TENM2: variants seen among roughly 807,000 people sequenced by gnomAD.
The protein encoded by TENM2 is teneurin transmembrane protein 2.
A neutral mutation model predicts 245.2 loss-of-function variants in TENM2; 52 were observed. The ratio of observed to expected loss-of-function variants is 0.21; its 90% CI spans 0.17 to 0.27. TENM2 has a LOEUF of 0.27. Ranked by LOEUF, TENM2 falls within the 10% of genes least tolerant of loss-of-function variation. The pLI is 1.00. For synonymous variants in TENM2, 1,363 were observed against 1,438.9 expected (o/e 0.95, Z 1.19); for missense variants, 3,046 against 3,666.8 (o/e 0.83, Z 4.37).
chr5:167,959,961 A>G (rs1406014429), intron 4 of TENM2, among the ~76,000 whole-genome samples: 2 of 152,136 alleles, frequency 1.3e-5, no homozygotes. Context: ...CCTCAGCTGC[A>G]GGTCTGCTGA....
intron 3 of TENM2, among the ~76,000 whole-genome samples, chr5:167,884,461 G>C (rs1774125824): frequency 6.6e-6 from 1 of 152,088 alleles, no homozygotes. Flanking sequence ...CTATGAATTT[G>C]TGTCTAGGTA....
At chr5:167,029,499 T>C in the TENM2 span, among the ~76,000 whole-genome samples, 1 of 152,194 alleles carries the variant, frequency 6.6e-6, no homozygotes, top group Non-Finnish European at 1.5e-5. Flanking sequence ...ACACCTGCCC[T>C]TTCTCTTCAC....
chr5:167,571,982 T>C (rs1410769638), intron 2 of TENM2, among the ~76,000 whole-genome samples: 1 of 152,192 alleles, frequency 6.6e-6, no homozygotes, highest in Non-Finnish European at 1.5e-5. Context: ...GCCTTGCAGC[T>C]CCCTTTTCCC....
In TENM2 at chr5:168,218,324, G is replaced by A. The variant is rs772914879; in HGVS notation, c.4433G>A (p.Ser1478Asn). 8 of 1,613,880 alleles carry A rather than the reference G, an allele frequency of 5.0e-6. No individual in the cohort carries two copies. In the Admixed American group the frequency reaches 8.3e-5, roughly 17 times the overall value. ...ATTCACTCTGCCCTGGAGTCAGCCA[G>A]TGCCATTGCCATTTCTCACACTGGG... The change falls in exon 23 of 29, where the codon AGT becomes AAT. Residue 1478 changes from serine to asparagine, a missense_variant. Ser to Asn is a conservative substitution (Grantham distance 46). Coordinates refer to ENST00000518659, the Ensembl canonical transcript of TENM2. This position sits in a 1 kb window ranked among gnomAD's most constrained non-coding sequence, Gnocchi z 5.2.
chr5:167,952,595 G>A (rs188393200), exon 4 of TENM2: 20 of 1,608,934 alleles, frequency 1.2e-5, no homozygotes, highest in African/African-American at 1.2e-4. Flanking sequence ...CAGGCCCTCC[G>A]AACCACCACA....
chr5:167,614,599 C>T (rs527934505), intron 2 of TENM2, among the ~76,000 whole-genome samples: 20 of 152,106 alleles, frequency 1.3e-4, no homozygotes, highest in South Asian at 1.2e-3. Context: ...AAGTAGAAAA[C>T]GCTTTTAGGG....
chr5:167,741,147 G>A (rs979114721), intron 2 of TENM2, among the ~76,000 whole-genome samples: 1 of 152,236 alleles, frequency 6.6e-6, no homozygotes, highest in African/African-American at 2.4e-5. Flanking sequence ...AAGTGATTTT[G>A]CCCACTCCAC....
intron 2 of TENM2, among the ~76,000 whole-genome samples, chr5:167,821,685 G>C (rs1767539559): frequency 6.6e-6 from 1 of 152,048 alleles, no homozygotes. Context: ...TTATAACATA[G>C]TTTTTGGAAA....
At chr5:167,361,758 C>T (rs974556053) in intron 1 of TENM2, among the ~76,000 whole-genome samples, 3 of 152,200 alleles carry the variant, frequency 2.0e-5, no homozygotes, top group African/African-American at 7.2e-5. Context: ...CTGAAATCCT[C>T]ATGAAGCTGT....
chr5:167,835,078 CATGT>C (rs756724128), intron 2 of TENM2, among the ~76,000 whole-genome samples: 123 of 152,266 alleles, frequency 8.1e-4, no homozygotes, highest in Non-Finnish European at 1.5e-3. Context: ...CCTCTCTGAG[CATGT>C]AGTACTCTCA....
At chr5:167,541,776 C>T (rs987251639) in intron 2 of TENM2, among the ~76,000 whole-genome samples, 18 of 152,082 alleles carry the variant, frequency 1.2e-4, no homozygotes, top group African/African-American at 4.3e-4. Context: ...AAACAATGTG[C>T]ATTAGGAAAA....
chr5:167,695,344 A>G (rs950366039), intron 2 of TENM2, among the ~76,000 whole-genome samples: 1 of 152,236 alleles, frequency 6.6e-6, no homozygotes, highest in Non-Finnish European at 1.5e-5. Context: ...TGTGGCACCA[A>G]AAAAACTTTT....
chr5:168,082,255 T>G (rs1792070703), intron 7 of TENM2, among the ~76,000 whole-genome samples: 1 of 152,242 alleles, frequency 6.6e-6, no homozygotes, highest in African/African-American at 2.4e-5. Context: ...CGTCACGTAG[T>G]TCTCGTGCCA....
chr5:167,606,590 G>A (rs545764400), intron 2 of TENM2, among the ~76,000 whole-genome samples: 1 of 152,126 alleles, frequency 6.6e-6, no homozygotes, highest in Non-Finnish European at 1.5e-5. Context: ...GAAAGCACCA[G>A]CATTTAGTCC....
intron 5 of TENM2, among the ~76,000 whole-genome samples, chr5:168,035,228 C>A (rs562626687): frequency 4.8e-4 from 73 of 152,172 alleles, no homozygotes; most frequent in African/African-American, 1.6e-3. Context: ...CATAAGTGGG[C>A]CAGGTGCAGT....
intron 20 of TENM2, among the ~76,000 whole-genome samples, chr5:168,213,538 G>A (rs1186916739): frequency 6.6e-6 from 1 of 151,938 alleles, no homozygotes; most frequent in Non-Finnish European, 1.5e-5. Context: ...AAAAATAATA[G>A]GAAAAGGCTG....
the TENM2 span, among the ~76,000 whole-genome samples, chr5:167,088,649 G>A: frequency 1.3e-5 from 2 of 149,078 alleles, no homozygotes; most frequent in Non-Finnish European, 1.5e-5. Context: ...AAAGAAAAAA[G>A]AAAAAAAAAC....
In TENM2 at chr5:168,166,347, C is replaced by T. The variant is rs180844001; in HGVS notation, c.2569+3590C>T. On this transcript the variant is annotated intron_variant, in intron 13 of 28. Transcript: ENST00000518659. ...CACTTTTCCATCTAGAAACACTCTA[C>T]TTTAAAAAAAAGAATCTGTTTGAAG... Among the ~76,000 whole-genome samples, 811 of 152,124 alleles carry T rather than the reference C, an allele frequency of 5.3e-3. 7 individuals carry two copies. The highest frequency in any genetic ancestry group is 0.019 in the African/African-American group (786 of 41,480).
chr5:167,208,291 G>A, the TENM2 span, among the ~76,000 whole-genome samples: 1 of 152,130 alleles, frequency 6.6e-6, no homozygotes, highest in African/African-American at 2.4e-5. Flanking sequence ...CAAAGATATG[G>A]TTGTCTAAGA....
Sources: allele counts gnomAD v4.1 joint callset (sites outside exome capture counted in the v4.1 genomes callset), GRCh38; gene constraint gnomAD v4.1.1; non-coding constraint Gnocchi (gnomAD v3.1); transcripts MANE v1.5; gene names NCBI Gene and HGNC (gene_info 2026-07-23, HGNC 2026-07-21).